Variants in MORC2 observed in about 807,000 individuals in gnomAD.
MORC2 encodes the protein MORC family CW-type zinc finger 2.
MORC2 carries 30 observed loss-of-function variants against 136.0 expected under a neutral mutation model. The ratio of observed to expected loss-of-function variants is 0.22; its 90% CI spans 0.17 to 0.30. MORC2 has a LOEUF of 0.30. Ranked by LOEUF, MORC2 falls within the 10% of genes least tolerant of loss-of-function variation. MORC2 has a pLI of 1.00. For synonymous variants in MORC2, 439 were observed against 487.0 expected (o/e 0.90, Z 1.30); for missense variants, 922 against 1,333.1 (o/e 0.69, Z 4.80).
At chr22:30,962,955 ATAGAG>A (rs973232668) in intron 1 of MORC2, among the ~76,000 whole-genome samples, 1 of 152,134 alleles carries the variant, frequency 6.6e-6, no homozygotes, top group Non-Finnish European at 1.5e-5. Flanking sequence ...AGCATTTGGG[ATAGAG>A]TAAACATCAA....
intron 10 of MORC2, 69 bp from the exon 11 acceptor site, chr22:30,940,110 C>A (rs543134667): frequency 4.7e-6 from 7 of 1,473,696 alleles, no homozygotes; most frequent in Non-Finnish European, 6.6e-6. Flanking sequence ...CTCCTGGATC[C>A]ACAGTACTGG....
At position 30,928,061 on chromosome 22, in the gene MORC2, C is replaced by G. The variant is rs949572717; in HGVS notation, c.2988G>C (p.Lys996Asn). 1 of 1,614,020 alleles carries G rather than the reference C, an allele frequency of 6.2e-7. No homozygotes were observed. The highest frequency in any genetic ancestry group is 1.7e-5 in the Admixed American group (1 of 60,032). ...KLRETEEKLQKLRTNIVALLQ... is the reference protein window; with the variant it reads ...KLRETEEKLQNLRTNIVALLQ... ...GGAGTGCCACGATGTTGGTCCTCAG[C>G]TTCTGCAGCTTCTCCTCCGTCTCGC... Residue 996 changes from lysine to asparagine, a missense_variant, in exon 25 of 26, where the codon AAG becomes AAC. By Grantham distance (94) the Lys-to-Asn change is moderately conservative. This residue lies in a region of MORC2 where 263 missense variants were observed against 388.3 expected (regional missense o/e 0.68). Coordinates refer to ENST00000397641, the MANE Select transcript of MORC2 (RefSeq NM_001303256.3).
intron 7 of MORC2, 51 bp from the exon 8 acceptor site, chr22:30,942,053 A>G (rs773678172): frequency 1.2e-6 from 2 of 1,608,844 alleles, no homozygotes; most frequent in East Asian, 2.2e-5. Context: ...CCACCCCCAC[A>G]CTACTTGTGA....
In MORC2 at chr22:30,934,264, C is replaced by T; in HGVS notation, c.2194-73G>A. 1 of 1,591,150 alleles carries T rather than the reference C, an allele frequency of 6.3e-7. No homozygotes were observed. ...AAGGAGCAGGAAGATTTCATCTAGC[C>T]TAAAGGAGTCGTTCCAAGAGGAGCT... On this transcript the variant is annotated intron_variant, in intron 19 of 25. Transcript: ENST00000397641. The surrounding 1 kb of genome is among the most constrained non-coding windows in gnomAD (Gnocchi z 4.4).
In MORC2 at chr22:30,928,157, G is replaced by A. The variant is rs1172384167; in HGVS notation, c.2892C>T (p.Ser964=). 1.9e-6 allele frequency: 3 copies of A among 1,614,174 alleles called. 1 individual carries two copies. The South Asian group carries it at 3.3e-5, about 18-fold the overall frequency. The change falls in exon 25 of 26, where the codon TCC becomes TCT. Residue 964 remains serine (S), a synonymous_variant. Coordinates refer to ENST00000397641, the MANE Select transcript of MORC2 (RefSeq NM_001303256.3). ...CCCGGGAGTCAGCACGGCTCTGGTA[G>A]GAATTGCACAGGTTTTGGAGCCCTA... ...YEVGLQNLCN[S]YQSRADSRAK...
chr22:30,936,758 C>A, intron 16 of MORC2, 115 bp from the exon 17 acceptor site: 2 of 1,401,264 alleles, frequency 1.4e-6, no homozygotes, highest in Non-Finnish European at 2.0e-6. Flanking sequence ...CTCAGAGTTC[C>A]CAATGCACAG....
In MORC2 at chr22:30,932,268, C is replaced by T; in HGVS notation, c.2841+91G>A. Reference sequence around the variant, plus strand: ...GCTGAGAGCTAGCAACTGCAACAAGCGTAACAATCATAATCACAACAGTTA... The same window carrying T: ...GCTGAGAGCTAGCAACTGCAACAAGTGTAACAATCATAATCACAACAGTTA... On this transcript the variant is annotated intron_variant, in intron 24 of 25. Coordinates refer to ENST00000397641, the MANE Select transcript of MORC2 (RefSeq NM_001303256.3). The surrounding 1 kb of genome is among the most constrained non-coding windows in gnomAD (Gnocchi z 4.4). 1.8e-6 allele frequency: 2 copies of T among 1,109,318 alleles called. No individual in the cohort carries two copies. Among genetic ancestry groups the T allele is most frequent in the South Asian group, 1.5e-5 (1 of 68,660 alleles). 68.7% of individuals were successfully genotyped at this position (1,109,318 alleles called of 1,614,324 possible).
chr22:30,957,482 T>C (rs548904883), intron 2 of MORC2, among the ~76,000 whole-genome samples: 1 of 152,210 alleles, frequency 6.6e-6, no homozygotes, highest in African/African-American at 2.4e-5. Flanking sequence ...TGGTTTTACA[T>C]GCAAAAAATC....
At chr22:30,930,152 C>G (rs1218203432) in intron 24 of MORC2, among the ~76,000 whole-genome samples, 2 of 152,186 alleles carry the variant, frequency 1.3e-5, no homozygotes, top group Admixed American at 6.5e-5. Context: ...CCTCCACACC[C>G]AGCCTAATAT....
At chr22:30,965,605 T>C (rs2041116378) in intron 1 of MORC2, among the ~76,000 whole-genome samples, 1 of 152,192 alleles carries the variant, frequency 6.6e-6, no homozygotes. Context: ...AAAATGATAC[T>C]CCAACCCTCA....
chr22:30,926,920 G>A, intron 25 of MORC2, 49 bp from the exon 26 acceptor site: 2 of 1,520,796 alleles, frequency 1.3e-6, no homozygotes, highest in East Asian at 2.3e-5. Context: ...AAGTGATTGG[G>A]GGGCTCACCT....
Position 30,926,617 on chromosome 22 carries a change from T to TA in MORC2, c.*185dup, listed in dbSNP as rs2040487876. 1 of 230,726 alleles carries TA rather than the reference T, an allele frequency of 4.3e-6. No homozygotes were observed. The highest frequency in any genetic ancestry group is 1.3e-4 in the South Asian group (1 of 7,514). 14.3% of individuals were successfully genotyped at this position (230,726 alleles called of 1,614,324 possible). The stretch of plus-strand genomic sequence containing the variant: ...GTCTCACAGGCACAGCATCTTCTTT[T>TA]AAAAAATAAATATTTATAAACTTAA... On this transcript the variant is annotated 3_prime_UTR_variant, in exon 26 of 26. Coordinates refer to ENST00000397641, the MANE Select transcript of MORC2 (RefSeq NM_001303256.3).
chr22:30,942,866 G>A (rs955806549), intron 6 of MORC2, among the ~76,000 whole-genome samples: 1 of 152,098 alleles, frequency 6.6e-6, no homozygotes, highest in Non-Finnish European at 1.5e-5. Flanking sequence ...TTAGCCGGGC[G>A]TGGCAGCGTG....
At chr22:30,940,141 C>T in intron 10 of MORC2, 100 bp from the exon 11 acceptor site, 1 of 1,201,210 alleles carries the variant, frequency 8.3e-7, no homozygotes, top group Non-Finnish European at 1.2e-6. Context: ...TGTACACCAC[C>T]AAGGAAAAAA....
intron 24 of MORC2, among the ~76,000 whole-genome samples, chr22:30,930,971 C>G (rs945676203): frequency 6.6e-6 from 1 of 152,206 alleles, no homozygotes. Flanking sequence ...TAGTTAATAG[C>G]TTTGTCATCA....
At chr22:30,966,245 G>A (rs1301250669) in intron 1 of MORC2, among the ~76,000 whole-genome samples, 2 of 152,114 alleles carry the variant, frequency 1.3e-5, no homozygotes, top group Non-Finnish European at 2.9e-5. Context: ...TGTAATTCCA[G>A]ACTTACCATC....
At position 30,964,735 on chromosome 22, in the gene MORC2, C is replaced by T. The variant is rs150808876; in HGVS notation, c.68+3087G>A. Among the ~76,000 whole-genome samples the T allele has an allele frequency of 3.2e-3, 484 of 152,292 alleles. 2 individuals are homozygous for T. The highest frequency in any genetic ancestry group is 5.8e-3 in the Non-Finnish European group (394 of 68,016). On this transcript the variant is annotated intron_variant, in intron 1 of 25. Transcript: ENST00000397641. ...CAGGCCTGCTGTAAACCTTAAAAAG[C>T]TGAAGTAACCAACAGAATAACCATC...
rs2040710188 is a variant in MORC2 at position 30,939,601 on chromosome 22, A to AG, written c.1073+19dup. 6.2e-7 allele frequency: 1 copy of AG among 1,611,754 alleles called. No homozygotes were observed. Among genetic ancestry groups the AG allele is most frequent in the African/African-American group, 1.3e-5 (1 of 74,768 alleles). On this transcript the variant is annotated intron_variant, in intron 12 of 25. Transcript: ENST00000397641. Reference sequence around the variant, plus strand: ...AAGCTACGTCAGTTTAAAAGATCCAAGGACAGGCCTGGCACTCACCGCTGC... The same window carrying AG: ...AAGCTACGTCAGTTTAAAAGATCCAAGGGACAGGCCTGGCACTCACCGCTGC...
At chr22:30,943,183 A>T (rs1353872638) in intron 6 of MORC2, among the ~76,000 whole-genome samples, 1 of 152,236 alleles carries the variant, frequency 6.6e-6, no homozygotes, top group African/African-American at 2.4e-5. Context: ...CTACAGTAAG[A>T]GTCCATTTCT....
Sources: gnomAD v4.1 joint callset for allele counts (sites outside exome capture counted in the v4.1 genomes callset) on GRCh38, gnomAD v4.1.1 for gene constraint, gnomAD v4.1.1 regional missense constraint, Gnocchi (gnomAD v3.1) non-coding constraint, MANE v1.5 for transcripts, NCBI Gene and HGNC (gene_info 2026-07-23, HGNC 2026-07-21) for gene names.